INPP4B: variants seen among roughly 807,000 people sequenced by gnomAD.
INPP4B encodes the protein inositol polyphosphate-4-phosphatase type II B, also known as inositol polyphosphate 4-phosphatase type II.
In INPP4B, 55 loss-of-function variants were observed where a neutral mutation model predicts 122.5. That is an observed-to-expected ratio of 0.45 (90% CI 0.36 to 0.56). The LOEUF is 0.56. Ranked by LOEUF, INPP4B falls within the 20% of genes least tolerant of loss-of-function variation. The pLI is 0.00. For synonymous variants in INPP4B, 403 were observed against 388.7 expected, an observed-to-expected ratio of 1.04 and a Z score of -0.43; for missense variants, 1,000 against 1,097.7, an observed-to-expected ratio of 0.91 and a Z score of 1.26.
At chr4:142,386,510 A>C (rs1796010547) in intron 7 of INPP4B, among the ~76,000 whole-genome samples, 1 of 152,198 alleles carries the variant, frequency 6.6e-6, no homozygotes. Context: ...TGAAAACCTA[A>C]CTTAGGAGTA....
intron 11 of INPP4B, among the ~76,000 whole-genome samples, chr4:142,255,233 C>A (rs1735123212): frequency 6.6e-6 from 1 of 151,840 alleles, no homozygotes; most frequent in South Asian, 2.1e-4. Flanking sequence ...ACAACCGGTA[C>A]CAGCCGCTGC....
intron 2 of INPP4B, among the ~76,000 whole-genome samples, chr4:142,694,994 TA>T (rs1760826695): frequency 6.6e-6 from 1 of 152,014 alleles, no homozygotes; most frequent in Non-Finnish European, 1.5e-5. Context: ...GTGGTGGGGG[TA>T]GGGGTATTAT....
intron 15 of INPP4B, among the ~76,000 whole-genome samples, chr4:142,184,454 CA>C (rs1832267324): frequency 6.6e-6 from 1 of 152,156 alleles, no homozygotes; most frequent in Admixed American, 6.5e-5. Flanking sequence ...CCTAATTCCA[CA>C]AAAAGTCTCT....
At chr4:142,602,013 T>C (rs1580471927) in intron 2 of INPP4B, among the ~76,000 whole-genome samples, 1 of 137,432 alleles carries the variant, frequency 7.3e-6, no homozygotes, top group African/African-American at 2.7e-5. Context: ...AAGGAAATAA[T>C]AAAGATCGGA....
chr4:142,722,307 AAGAAGAAAGC>A (rs1402305844), intron 2 of INPP4B, among the ~76,000 whole-genome samples: 16 of 152,184 alleles, frequency 1.1e-4, no homozygotes, highest in African/African-American at 3.4e-4. Flanking sequence ...TTTTGGAATA[AAGAAGAAAGC>A]AGACCAGACA....
intron 3 of INPP4B, among the ~76,000 whole-genome samples, chr4:142,442,586 C>T (rs1161694258): frequency 1.3e-5 from 2 of 151,900 alleles, no homozygotes. Flanking sequence ...TTAGGATGTA[C>T]AAAGATATAA....
chr4:142,304,643 T>C (rs1762677617), intron 9 of INPP4B, among the ~76,000 whole-genome samples: 1 of 152,102 alleles, frequency 6.6e-6, no homozygotes. Flanking sequence ...GTCCAATTCC[T>C]TGAAAGTGGT....
chr4:142,263,118 G>A (rs1476725377), intron 10 of INPP4B, among the ~76,000 whole-genome samples: 2 of 152,098 alleles, frequency 1.3e-5, no homozygotes, highest in African/African-American at 4.8e-5. Context: ...AGCCTCTCCC[G>A]TGCCTCACTG....
chr4:142,304,995 A>G (rs1174000708), intron 9 of INPP4B, among the ~76,000 whole-genome samples: 1 of 152,308 alleles, frequency 6.6e-6, no homozygotes, highest in East Asian at 1.9e-4. Context: ...TTAACTGATA[A>G]GTGTTTTATG....
Position 142,426,609 on chromosome 4 carries a change from C to A in INPP4B, c.136+2564G>T, listed in dbSNP as rs146105388. 2.4e-4 allele frequency: 37 copies of A among 152,052 alleles called. No homozygotes were observed. The East Asian group carries it at 7.2e-3, about 29-fold the overall frequency. The allele number at this position is 152,052 out of a possible 1,614,324, so 9.4% of individuals were successfully genotyped here. On this transcript the variant is annotated intron_variant, in intron 5 of 25. Transcript: ENST00000262992. ...CAAGACACTTTTAGCCAATTAGCTG[C>A]TCAATTGACTAAGTACCTCCTACCT...
chr4:142,195,330 G>A (rs1421121517), intron 14 of INPP4B, among the ~76,000 whole-genome samples: 1 of 152,112 alleles, frequency 6.6e-6, no homozygotes, highest in Non-Finnish European at 1.5e-5. Flanking sequence ...TTTTAGTTAT[G>A]CAAAATAAGT....
chr4:142,042,709 C>T (rs981864071), intron 25 of INPP4B, among the ~76,000 whole-genome samples: 10 of 152,212 alleles, frequency 6.6e-5, no homozygotes, highest in Admixed American at 3.3e-4. Context: ...ATTACAGGCA[C>T]GCGCCCTCAT....
At chr4:142,443,467 T>C (rs1392697670) in intron 3 of INPP4B, among the ~76,000 whole-genome samples, 3 of 151,984 alleles carry the variant, frequency 2.0e-5, no homozygotes, top group Non-Finnish European at 4.4e-5. Flanking sequence ...GGAGGAGCAG[T>C]AAATCTTCCT....
chr4:142,632,495 G>C (rs1307326328), intron 2 of INPP4B, among the ~76,000 whole-genome samples: 1 of 151,958 alleles, frequency 6.6e-6, no homozygotes, highest in African/African-American at 2.4e-5. Flanking sequence ...ATATACACTT[G>C]ATAGAAGAAA....
chr4:142,622,107 T>C (rs938703779), intron 2 of INPP4B, among the ~76,000 whole-genome samples: 4 of 152,012 alleles, frequency 2.6e-5, no homozygotes, highest in Non-Finnish European at 5.9e-5. Context: ...ACAGGATAGA[T>C]GCTGAATTAA....
chr4:142,819,958 T>G (rs1354660334), intron 1 of INPP4B, among the ~76,000 whole-genome samples: 2 of 152,048 alleles, frequency 1.3e-5, no homozygotes, highest in Non-Finnish European at 2.9e-5. Context: ...GAAATCACCC[T>G]TCCTTCCCCA....
chr4:142,703,061 C>T (rs1762019934), intron 2 of INPP4B, among the ~76,000 whole-genome samples: 1 of 152,160 alleles, frequency 6.6e-6, no homozygotes, highest in South Asian at 2.1e-4. Context: ...TCGATTTCCT[C>T]ACCTGCCAAA....
At chr4:142,193,017 T>G in intron 15 of INPP4B, 70 bp downstream of exon 15, 1 of 886,116 alleles carries the variant, frequency 1.1e-6, no homozygotes. Context: ...ACCAATCACC[T>G]TGTATATAGA....
chr4:142,364,620 T>C (rs1324137694), intron 7 of INPP4B, among the ~76,000 whole-genome samples: 1 of 152,004 alleles, frequency 6.6e-6, no homozygotes, highest in Non-Finnish European at 1.5e-5. Flanking sequence ...CAGTACTTGG[T>C]TCTCAAAGTT....
Sources: allele counts gnomAD v4.1 joint callset (sites outside exome capture counted in the v4.1 genomes callset), GRCh38; gene constraint gnomAD v4.1.1; transcripts MANE v1.5; gene names NCBI Gene and HGNC (gene_info 2026-07-23, HGNC 2026-07-21).